The following RYR2 variants were observed in gnomAD, a reference collection of about 807,000 sequenced individuals.
RYR2 encodes the protein ryanodine receptor 2.
RYR2 carries 227 observed loss-of-function variants against 601.1 expected under a neutral mutation model. That is an observed-to-expected ratio of 0.38 (90% CI 0.34 to 0.42). The LOEUF (loss-of-function observed/expected upper bound fraction) is 0.42, where lower values mean the gene tolerates loss of function less well. RYR2 is among the 10% of genes least tolerant of loss of function. The pLI, the probability that RYR2 is intolerant of heterozygous loss-of-function variation, is 1.00. For missense variants in RYR2, 4,646 were observed against 6,156.5 expected (o/e 0.75, Z 8.21); for synonymous variants, 2,223 against 2,175.1 (o/e 1.02, Z -0.61).
At chr1:237,617,139 G>A (rs544819042) in intron 37 of RYR2, 147 bp from the exon 38 acceptor site, 12 of 726,860 alleles carry the variant, frequency 1.7e-5, no homozygotes, top group Middle Eastern at 3.4e-4. Flanking sequence ...TCCTGGGACC[G>A]AGCACATTGC....
At chr1:237,732,176 C>A in intron 78 of RYR2, 27 bp downstream of exon 78, 1 of 1,402,688 alleles carries the variant, frequency 7.1e-7, no homozygotes, top group Non-Finnish European at 1.0e-6. Flanking sequence ...TCCTATGAGA[C>A]ATAGGAGGAG....
At chr1:237,536,105 T>G (rs1668583000) in intron 25 of RYR2, among the ~76,000 whole-genome samples, 1 of 152,110 alleles carries the variant, frequency 6.6e-6, no homozygotes, top group African/African-American at 2.4e-5. Flanking sequence ...AACACCAAAT[T>G]GTCATCAATA....
At chr1:237,319,809 A>C (rs902460923) in intron 2 of RYR2, among the ~76,000 whole-genome samples, 1 of 152,182 alleles carries the variant, frequency 6.6e-6, no homozygotes, top group Non-Finnish European at 1.5e-5. Flanking sequence ...GTGCAACTTC[A>C]GTCAAAAATA....
intron 63 of RYR2, among the ~76,000 whole-genome samples, chr1:237,688,423 T>TAC (rs1438636426): frequency 3.9e-5 from 6 of 152,052 alleles, no homozygotes; most frequent in Non-Finnish European, 7.4e-5. Context: ...CATATATATA[T>TAC]ATACACACAC....
At position 237,374,785 on chromosome 1, in the gene RYR2, G is replaced by A. The variant is rs541334277; in HGVS notation, c.453G>A (p.Glu151=). The A allele has an allele frequency of 7.4e-6, 12 of 1,611,762 alleles. No individual in the cohort carries two copies. In the South Asian group the frequency reaches 1.1e-4, roughly 15 times the overall value. The change falls in exon 7 of 105, where the codon GAG becomes GAA. Residue 151 remains glutamate (E), a synonymous_variant. Coordinates refer to ENST00000366574, the MANE Select transcript of RYR2 (RefSeq NM_001035.3). ...TGGCTTTTGATGTTGGCTTGCAAGA[G>A]GACACCACAGGTAAGCATCTTGTGC... The part of the protein sequence containing the change: ...DKLAFDVGLQ[E]DTTGEACWWT...
intron 62 of RYR2, among the ~76,000 whole-genome samples, chr1:237,681,114 G>A (rs530974447): frequency 6.6e-6 from 1 of 152,144 alleles, no homozygotes; most frequent in East Asian, 1.9e-4. Flanking sequence ...TTGTGATTCT[G>A]CTGGGGATAT....
chr1:237,617,821 C>G (rs940879768), intron 38 of RYR2, among the ~76,000 whole-genome samples: 4 of 152,138 alleles, frequency 2.6e-5, no homozygotes, highest in African/African-American at 7.2e-5. Flanking sequence ...TCCTAGGACT[C>G]GATGCTAGAG....
chr1:237,631,472 G>A lies in RYR2; in HGVS notation c.6486G>A (p.Met2162Ile). The A allele has an allele frequency of 6.2e-7, 1 of 1,613,744 alleles. No individual in the cohort carries two copies. ...TGTTTTACCAGCACCCTAATCTCAT[G>A]AGGGCACTGGGGATGCACGAGACTG... is the stretch of plus-strand genomic sequence containing the variant. ...NKVFYQHPNL[M>I]RALGMHETVM... The change falls in exon 42 of 105, where the codon ATG (methionine) becomes ATA (isoleucine). Residue 2162 changes from methionine (M) to isoleucine (I), a missense_variant. By Grantham distance (10) the Met-to-Ile change is conservative. This residue lies in a region of RYR2 where 137 missense variants were observed against 273.6 expected (regional missense o/e 0.50). Transcript: ENST00000366574.
chr1:237,529,760 T>TACATAC (rs1553486166), intron 24 of RYR2, among the ~76,000 whole-genome samples: 4 of 134,492 alleles, frequency 3.0e-5, no homozygotes, highest in Non-Finnish European at 6.3e-5. Flanking sequence ...AATAATATCA[T>TACATAC]ACACACACAC....
intron 3 of RYR2, among the ~76,000 whole-genome samples, chr1:237,335,596 T>C (rs578026321): frequency 3.0e-4 from 45 of 152,284 alleles, no homozygotes; most frequent in Non-Finnish European, 5.6e-4. Flanking sequence ...GTCTTTCGGG[T>C]GAATTATTTC....
At chr1:237,697,060 C>A (rs1687517692) in intron 63 of RYR2, among the ~76,000 whole-genome samples, 1 of 151,990 alleles carries the variant, frequency 6.6e-6, no homozygotes, top group Non-Finnish European at 1.5e-5. Context: ...AGAACCTGAC[C>A]TCTCCCAACC....
At position 237,674,214 on chromosome 1, in the gene RYR2, A is replaced by G. The variant is rs937884238; in HGVS notation, c.8709A>G (p.Val2903=). ...TCTTGCAGATCAATGGATATGCTGTATCCAGGTAAAAGTACACATACCCTA... is the reference window on the plus strand; with the variant it reads ...TCTTGCAGATCAATGGATATGCTGTGTCCAGGTAAAAGTACACATACCCTA... The part of the protein sequence containing the change: ...LKFLQINGYA[V]SRGFKDLELD... Residue 2903 remains valine, a synonymous_variant, in exon 59 of 105, where the codon GTA becomes GTG. Coordinates refer to ENST00000366574, the MANE Select transcript of RYR2 (RefSeq NM_001035.3). The G allele has an allele frequency of 2.5e-6, 4 of 1,611,134 alleles. No individual in the cohort carries two copies. The highest frequency in any genetic ancestry group is 3.4e-6 in the Non-Finnish European group (4 of 1,177,554).
At chr1:237,548,155 C>T (rs1009262058) in intron 25 of RYR2, among the ~76,000 whole-genome samples, 7 of 152,168 alleles carry the variant, frequency 4.6e-5, no homozygotes, top group Non-Finnish European at 8.8e-5. Flanking sequence ...GGAACACAAA[C>T]AATGACAGGT....
At position 237,188,110 on chromosome 1, in the gene RYR2, T is replaced by C. The variant is rs1395242779; in HGVS notation, c.49-82387T>C. ...AAAAACTGAAATAGATCTGGCCTCATTGAATGCTGTTTTAGGTGAAGGAAG... is the reference window on the plus strand; with the variant it reads ...AAAAACTGAAATAGATCTGGCCTCACTGAATGCTGTTTTAGGTGAAGGAAG... On this transcript the variant is annotated intron_variant, in intron 1 of 104. Transcript: ENST00000366574. Among the ~76,000 whole-genome samples the C allele has an allele frequency of 5.9e-5, 9 of 152,320 alleles. No individual in the cohort carries two copies. The East Asian group carries it at 1.5e-3, about 26-fold the overall frequency.
At chr1:237,526,535 CAG>C in intron 24 of RYR2, among the ~76,000 whole-genome samples, 1 of 152,112 alleles carries the variant, frequency 6.6e-6, no homozygotes, top group East Asian at 1.9e-4. Context: ...TGTGTAGAGA[CAG>C]AGTCTCCCTA....
chr1:237,509,085 T>C (rs1378643320), intron 23 of RYR2, among the ~76,000 whole-genome samples: 3 of 152,176 alleles, frequency 2.0e-5, no homozygotes, highest in African/African-American at 7.2e-5. Context: ...CGTGGGGCCT[T>C]CTTGCCCGCA....
intron 1 of RYR2, among the ~76,000 whole-genome samples, chr1:237,128,515 G>T (rs1051593620): frequency 1.3e-5 from 2 of 152,238 alleles, no homozygotes; most frequent in Non-Finnish European, 2.9e-5. Context: ...GAATAAGGGA[G>T]TGAGTGGTAA....
At position 237,056,191 on chromosome 1, in the gene RYR2, A is replaced by G. The variant is rs144580355; in HGVS notation, c.48+13622A>G. Among the ~76,000 whole-genome samples, 1,031 of 147,772 alleles carry G rather than the reference A, an allele frequency of 7.0e-3. 11 individuals are homozygous for G. Among genetic ancestry groups the G allele is most frequent in the African/African-American group, 0.024 (948 of 39,476 alleles). ...ATACCTCTGAGGATTGGAACACTGC[A>G]CCTGTGAGGACTGGAGCACTGCACC... On this transcript the variant is annotated intron_variant, in intron 1 of 104. Transcript: ENST00000366574.
intron 77 of RYR2, among the ~76,000 whole-genome samples, chr1:237,731,551 T>G (rs1690679667): frequency 6.6e-6 from 1 of 152,118 alleles, no homozygotes; most frequent in African/African-American, 2.4e-5. Context: ...AGGATTTTAT[T>G]GCAAATATTT....
Sources: gnomAD v4.1 joint callset for allele counts (sites outside exome capture counted in the v4.1 genomes callset) on GRCh38, gnomAD v4.1.1 for gene constraint, gnomAD v4.1.1 regional missense constraint, MANE v1.5 for transcripts, NCBI Gene and HGNC (gene_info 2026-07-23, HGNC 2026-07-21) for gene names.